OPLAH: variants seen among roughly 807,000 people sequenced by gnomAD.
The protein encoded by OPLAH is 5-oxoprolinase, ATP-hydrolysing.
In OPLAH, 103 loss-of-function variants were observed where a neutral mutation model predicts 122.8. The ratio of observed to expected loss-of-function variants is 0.84; its 90% CI spans 0.71 to 0.99. The LOEUF (loss-of-function observed/expected upper bound fraction) is 0.99, where lower values mean the gene tolerates loss of function less well. Among genes scored for constraint, OPLAH ranks in the 50% least tolerant of loss-of-function variants. The pLI is 0.00. For synonymous variants in OPLAH, 875 were observed against 796.0 expected, an observed-to-expected ratio of 1.10 and a Z score of -1.67; for missense variants, 1,902 against 1,836.5, an observed-to-expected ratio of 1.04 and a Z score of -0.65.
At position 144,051,300 on chromosome 8, in the gene OPLAH, C is replaced by G; in HGVS notation, c.*26G>C. 1.9e-6 allele frequency: 3 copies of G among 1,609,942 alleles called. No homozygotes were observed. The highest frequency in any genetic ancestry group is 2.5e-6 in the Non-Finnish European group (3 of 1,178,738). On this transcript the variant is annotated 3_prime_UTR_variant, in exon 27 of 27. Transcript: ENST00000618853. ...TAGCTGCGTCCCCAGAACCGGGAGACTTAAGGCATCTTTATTGCGGGATCC... is the reference window on the plus strand; with the variant it reads ...TAGCTGCGTCCCCAGAACCGGGAGAGTTAAGGCATCTTTATTGCGGGATCC...
Position 144,054,635 on chromosome 8 carries a change from G to C in OPLAH, c.2612C>G (p.Ser871Cys). The part of the protein sequence containing the change: ...GITPGSMPPH[S>C]TMLQQEGAVF... Reference sequence around the variant, plus strand: ...GGCACCCTCCTGTTGCAGCATGGTGGAGTGGGGGGGCATGGAGCCTGGTGT... The same window carrying C: ...GGCACCCTCCTGTTGCAGCATGGTGCAGTGGGGGGGCATGGAGCCTGGTGT... The change falls in exon 19 of 27, where the codon TCC (serine) becomes TGC (cysteine). Residue 871 changes from serine to cysteine, a missense_variant. Coordinates refer to ENST00000618853, the MANE Select transcript of OPLAH (RefSeq NM_017570.5). 1 of 1,611,564 alleles carries C rather than the reference G, an allele frequency of 6.2e-7. No homozygotes were observed. The highest frequency in any genetic ancestry group is 8.5e-7 in the Non-Finnish European group (1 of 1,178,890).
chr8:144,063,384 C>T (rs1394791398), upstream of OPLAH, among the ~76,000 whole-genome samples: 1 of 152,250 alleles, frequency 6.6e-6, no homozygotes, highest in Non-Finnish European at 1.5e-5. The surrounding 1 kb of genome is among the most constrained non-coding windows in gnomAD (Gnocchi z 4.2). Context: ...TATGGCTGTC[C>T]CCACCACCAG....
At chr8:144,059,129 CG>C (rs1344311661) in intron 3 of OPLAH, 50 bp from the exon 4 acceptor site, 4 of 1,461,180 alleles carry the variant, frequency 2.7e-6, no homozygotes, top group Non-Finnish European at 2.8e-6. Context: ...GGGTCCAGGC[CG>C]GGGTCCTGTG....
In OPLAH at chr8:144,051,483, GGGGGGGGGC is replaced by G; in HGVS notation, c.3721-20_3721-12del. The G allele has an allele frequency of 7.5e-7, 1 of 1,329,824 alleles. No homozygotes were observed. Among genetic ancestry groups the G allele is most frequent in the African/African-American group, 1.7e-5 (1 of 57,392 alleles). The allele number at this position is 1,329,824 out of a possible 1,614,324, so 82.4% of individuals were successfully genotyped here. ...GAGACAGAACACATCCTGTTGGCGC[GGGGGGGGGC>G]GGGGAGGCGGGCTCAGTGCAGGCGT... On this transcript the variant is annotated splice_polypyrimidine_tract_variant and intron_variant, in intron 26 of 26. Transcript: ENST00000618853.
In OPLAH at chr8:144,055,732, AC is replaced by A; in HGVS notation, c.2248+55del. ...CCCTTTGGGCACAGCCCTGCCAGCT[AC>A]CCCATGACACAGCCGGCGCCTCATC... On this transcript the variant is annotated intron_variant, in intron 16 of 26. Coordinates refer to ENST00000618853, the MANE Select transcript of OPLAH (RefSeq NM_017570.5). This position sits in a 1 kb window ranked among gnomAD's most constrained non-coding sequence, Gnocchi z 6.5. 7.0e-7 allele frequency: 1 copy of A among 1,427,600 alleles called. No individual in the cohort carries two copies. The allele number at this position is 1,427,600 out of a possible 1,614,324, so 88.4% of individuals were successfully genotyped here.
rs782093878 is a variant in OPLAH at position 144,052,824 on chromosome 8, A to T, written c.3095T>A (p.Leu1032Gln). 4 of 1,559,640 alleles carry T rather than the reference A, an allele frequency of 2.6e-6. No homozygotes were observed. Among genetic ancestry groups the T allele is most frequent in the Non-Finnish European group, 2.6e-6 (3 of 1,152,760 alleles). The change falls in exon 22 of 27, where the codon CTG (leucine) becomes CAG (glutamine). Residue 1032 changes from leucine to glutamine, a missense_variant. Leu to Gln is a moderately radical substitution (Grantham distance 113). This residue lies in a region of OPLAH where 1,726 missense variants were observed against 1,642.1 expected (regional missense o/e 1.05). Transcript: ENST00000618853. ...GCGCAGGCAGTAGATGAGGGCGGAC[A>T]GGGTTACGGCCCGCGGTGCGTTGAG... is the stretch of plus-strand genomic sequence containing the variant. ...GNLNAPRAVT[L>Q]SALIYCLRCL... is the part of the protein sequence containing the mutation.
chr8:144,052,783 C>T lies in OPLAH; in HGVS notation c.3136G>A (p.Asp1046Asn), dbSNP rs1554758013. ...CTGCGAACCTGGTTGAGTGGGATGT[C>T]GCGGCCCACCAGACAGCGCAGGCAG... is the stretch of plus-strand genomic sequence containing the variant. ...IYCLRCLVGRDIPLNQGCLAP... is the reference protein window; with the variant it reads ...IYCLRCLVGRNIPLNQGCLAP... Residue 1046 changes from aspartate to asparagine, a missense_variant, in exon 22 of 27, where the codon GAC becomes AAC. Asp to Asn is a conservative substitution (Grantham distance 23). Coordinates refer to ENST00000618853, the MANE Select transcript of OPLAH (RefSeq NM_017570.5). 4.5e-6 allele frequency: 7 copies of T among 1,565,288 alleles called. No individual in the cohort carries two copies. Among genetic ancestry groups the T allele is most frequent in the East Asian group, 2.4e-5 (1 of 41,672 alleles).
upstream of OPLAH, among the ~76,000 whole-genome samples, chr8:144,062,783 T>C (rs1166758388): frequency 6.6e-6 from 1 of 151,814 alleles, no homozygotes; most frequent in Non-Finnish European, 1.5e-5. Flanking sequence ...GCCTCTCTGT[T>C]CACTCCAGGG....
At position 144,051,415 on chromosome 8, in the gene OPLAH, C is replaced by T. The variant is rs1284445914; in HGVS notation, c.3778G>A (p.Ala1260Thr). ...GGGYGDPEDPAPPPGSPPQAL... is the reference protein window; with the variant it reads ...GGGYGDPEDPTPPPGSPPQAL... Reference sequence around the variant, plus strand: ...TGCGGGGGCGACCCCGGCGGTGGGGCGGGGTCCTCCGGGTCCCCATAGCCA... The same window carrying T: ...TGCGGGGGCGACCCCGGCGGTGGGGTGGGGTCCTCCGGGTCCCCATAGCCA... Residue 1260 changes from alanine (A) to threonine (T), a missense_variant, in exon 27 of 27, where the codon GCC becomes ACC. Coordinates refer to ENST00000618853, the MANE Select transcript of OPLAH (RefSeq NM_017570.5). 2.8e-6 allele frequency: 4 copies of T among 1,422,930 alleles called. No homozygotes were observed. The highest frequency in any genetic ancestry group is 2.8e-6 in the Non-Finnish European group (3 of 1,071,460). The allele number at this position is 1,422,930 out of a possible 1,614,324, so 88.1% of individuals were successfully genotyped here. A position where few individuals can be genotyped will look rare whatever the true frequency, so the allele number is the denominator to read the frequency against.
At position 144,058,972 on chromosome 8, in the gene OPLAH, A is replaced by C; in HGVS notation, c.463+8T>G. On this transcript the variant is annotated splice_region_variant and intron_variant, in intron 4 of 26. Transcript: ENST00000618853. The stretch of plus-strand genomic sequence containing the variant: ...CCCCAAATCCCACAGCAGCGGCGGC[A>C]CACACACCTTTCACAGGCGTCCCGG... 1 of 1,562,040 alleles carries C rather than the reference A, an allele frequency of 6.4e-7. No individual in the cohort carries two copies. The highest frequency in any genetic ancestry group is 1.2e-5 in the South Asian group (1 of 84,926).
At chr8:144,050,623 C>T (rs1835350848), downstream of OPLAH, 2 of 985,510 alleles carry the variant, frequency 2.0e-6, no homozygotes, top group African/African-American at 1.7e-5. Context: ...CAGCCCTGGG[C>T]CCTGGGTATC....
chr8:144,054,268 G>GC (rs1835455501), intron 19 of OPLAH, among the ~76,000 whole-genome samples: 1 of 151,958 alleles, frequency 6.6e-6, no homozygotes, highest in Non-Finnish European at 1.5e-5. Context: ...ACCACAAGCA[G>GC]CCACCCACCT....
At chr8:144,056,355 T>C (rs782308881) in intron 14 of OPLAH, 30 bp downstream of exon 14, 5 of 1,596,386 alleles carry the variant, frequency 3.1e-6, no homozygotes, top group Non-Finnish European at 2.6e-6. Context: ...CCATGGGTGC[T>C]GTCAGGCTGG....
At position 144,052,556 on chromosome 8, in the gene OPLAH, T is replaced by G; in HGVS notation, c.3196A>C (p.Ile1066Leu). ...PVRVVIPRGS[I>L]LDPSPEAAVV... ...GCCGCCTCGGGCGACGGGTCCAGGA[T>G]GGAGCCTCGGGGAATGACCACGCGC... Residue 1066 changes from isoleucine to leucine, a missense_variant, in exon 23 of 27, where the codon ATC (isoleucine) becomes CTC (leucine). Ile to Leu is a conservative substitution (Grantham distance 5, BLOSUM62 2). Around this residue, in one of 3 missense-constraint regions of OPLAH, gnomAD observed 1,726 missense variants for 1,642.1 expected, o/e 1.05. Coordinates refer to ENST00000618853, the MANE Select transcript of OPLAH (RefSeq NM_017570.5). The G allele has an allele frequency of 6.3e-7, 1 of 1,596,818 alleles. No individual in the cohort carries two copies. The highest frequency in any genetic ancestry group is 8.5e-7 in the Non-Finnish European group (1 of 1,177,678).
Position 144,051,945 on chromosome 8 carries a change from C to A in OPLAH, c.3593G>T (p.Arg1198Leu). ...EEALLSVLTERRAFRPYGLHG... is the reference protein window; with the variant it reads ...EEALLSVLTELRAFRPYGLHG... Reference sequence around the variant, plus strand: ...GAGCCCGTATGGCCGGAAGGCGCGGCGCTCGGTCAGCACTGACAGCAGCGC... The same window carrying A: ...GAGCCCGTATGGCCGGAAGGCGCGGAGCTCGGTCAGCACTGACAGCAGCGC... Residue 1198 changes from arginine (R) to leucine (L), a missense_variant, in exon 25 of 27, where the codon CGC becomes CTC. Around this residue, in one of 3 missense-constraint regions of OPLAH, gnomAD observed 1,726 missense variants for 1,642.1 expected, o/e 1.05. Transcript: ENST00000618853. 6.5e-7 allele frequency: 1 copy of A among 1,548,936 alleles called. No individual in the cohort carries two copies. Among genetic ancestry groups the A allele is most frequent in the Non-Finnish European group, 8.7e-7 (1 of 1,155,484 alleles).
In OPLAH at chr8:144,057,212, G is replaced by A. The variant is rs781795294; in HGVS notation, c.1531C>T (p.His511Tyr). ...TGCACCCACACCCAGGCCCACCTGT[G>A]GATGTGCACCGTGTCCATGCCCAGG... Reference protein sequence around the residue: ...RALGMDTVHIHRHSGLLSALG... With the variant: ...RALGMDTVHIYRHSGLLSALG... The change falls in exon 11 of 27, where the codon CAC becomes TAC. Residue 511 changes from histidine (H) to tyrosine (Y), a missense_variant. By Grantham distance (83) the His-to-Tyr change is moderately conservative. Around this residue, in one of 3 missense-constraint regions of OPLAH, gnomAD observed 1,726 missense variants for 1,642.1 expected, o/e 1.05. Transcript: ENST00000618853. 1 of 1,611,444 alleles carries A rather than the reference G, an allele frequency of 6.2e-7. No individual in the cohort carries two copies. Among genetic ancestry groups the A allele is most frequent in the South Asian group, 1.1e-5 (1 of 90,774 alleles).
upstream of OPLAH, among the ~76,000 whole-genome samples, chr8:144,062,924 C>T (rs1219223246): frequency 1.3e-5 from 2 of 151,840 alleles, no homozygotes; most frequent in Admixed American, 6.6e-5. Flanking sequence ...TCTCCTGACC[C>T]CACTCCACTG....
Position 144,053,012 on chromosome 8 carries a change from G to C in OPLAH, c.2989C>G (p.Arg997Gly), listed in dbSNP as rs200620019. ...EDHMDDGSPI[R>G]LRVQISLSQG... ...CTCAGGCTGATCTGCACACGGAGGC[G>C]GATGGGGGAACCGTCGTCCATGTGG... The change falls in exon 21 of 27, where the codon CGC becomes GGC. Residue 997 changes from arginine to glycine, a missense_variant. This residue lies in a region of OPLAH where 1,726 missense variants were observed against 1,642.1 expected (regional missense o/e 1.05). Transcript: ENST00000618853. 1.1e-5 allele frequency: 17 copies of C among 1,603,450 alleles called. No individual in the cohort carries two copies. The highest frequency in any genetic ancestry group is 1.4e-5 in the Non-Finnish European group (17 of 1,176,054).
In OPLAH at chr8:144,051,272, C is replaced by T; in HGVS notation, c.*54G>A. The T allele has an allele frequency of 1.2e-6, 2 of 1,604,458 alleles. No homozygotes were observed. The highest frequency in any genetic ancestry group is 3.4e-5 in the Admixed American group (2 of 58,026). Reference sequence around the variant, plus strand: ...CACGACTCGGAGCACGAACTAGGCGCCGTAGCTGCGTCCCCAGAACCGGGA... The same window carrying T: ...CACGACTCGGAGCACGAACTAGGCGTCGTAGCTGCGTCCCCAGAACCGGGA... On this transcript the variant is annotated 3_prime_UTR_variant, in exon 27 of 27. Coordinates refer to ENST00000618853, the MANE Select transcript of OPLAH (RefSeq NM_017570.5).
Sources: allele counts gnomAD v4.1 joint callset (sites outside exome capture counted in the v4.1 genomes callset), GRCh38; gene constraint gnomAD v4.1.1; regional missense constraint gnomAD v4.1.1; non-coding constraint Gnocchi (gnomAD v3.1); transcripts MANE v1.5; gene names NCBI Gene and HGNC (gene_info 2026-07-23, HGNC 2026-07-21).